CDH10: variants seen among roughly 807,000 people sequenced by gnomAD.
CDH10 encodes cadherin 10.
CDH10 carries 30 observed loss-of-function variants against 73.1 expected under a neutral mutation model. The observed-to-expected ratio is 0.41, with a 90% confidence interval of 0.31 to 0.56. The LOEUF (loss-of-function observed/expected upper bound fraction) is 0.56. CDH10 is among the 20% of genes least tolerant of loss of function. CDH10 has a pLI of 0.27. For synonymous variants in CDH10, 345 were observed against 348.2 expected (o/e 0.99, Z 0.10); for missense variants, 815 against 973.7 (o/e 0.84, Z 2.17).
chr5:24,556,773 T>TA (rs928033909), intron 2 of CDH10, among the ~76,000 whole-genome samples: 5 of 151,784 alleles, frequency 3.3e-5, no homozygotes, highest in Non-Finnish European at 5.9e-5. Flanking sequence ...ATAGCTGTAT[T>TA]AAAAAATCAG....
chr5:24,571,708 GA>G (rs35188983), intron 2 of CDH10, among the ~76,000 whole-genome samples: 5 of 151,608 alleles, frequency 3.3e-5, no homozygotes, highest in African/African-American at 4.8e-5. Flanking sequence ...ATAGTTCTAT[GA>G]AAAAAAATAA....
At chr5:24,488,223 T>C (rs1372075008) in intron 11 of CDH10, 70 bp from the exon 12 acceptor site, 6 of 1,266,470 alleles carry the variant, frequency 4.7e-6, no homozygotes, top group Non-Finnish European at 5.4e-6. Flanking sequence ...GGAAATACTA[T>C]AAAAGAGTTT....
At chr5:24,516,384 A>G (rs1007817197) in intron 5 of CDH10, among the ~76,000 whole-genome samples, 2 of 151,956 alleles carry the variant, frequency 1.3e-5, no homozygotes, top group African/African-American at 4.8e-5. Context: ...CAAATATCCC[A>G]TTTCTCCTAA....
At chr5:24,494,593 A>G (rs1423854956) in intron 9 of CDH10, among the ~76,000 whole-genome samples, 4 of 152,000 alleles carry the variant, frequency 2.6e-5, no homozygotes, top group Non-Finnish European at 4.4e-5. Flanking sequence ...CCAACTGTAT[A>G]TTTTCCCTTA....
At chr5:24,600,605 CGTGT>C (rs138388137) in intron 1 of CDH10, among the ~76,000 whole-genome samples, 6 of 149,890 alleles carry the variant, frequency 4.0e-5, no homozygotes, top group South Asian at 4.2e-4. Context: ...TGCGTGCGTG[CGTGT>C]GTGTGTGTGT....
At position 24,490,448 on chromosome 5, in the gene CDH10, G is replaced by A. The variant is rs73746535; in HGVS notation, c.1876+1128C>T. Reference sequence around the variant, plus strand: ...AATTATAAAATATATTTTTTAATACGCACGTTCTCATTTCCTGAACTACAT... The same window carrying A: ...AATTATAAAATATATTTTTTAATACACACGTTCTCATTTCCTGAACTACAT... On this transcript the variant is annotated intron_variant, in intron 11 of 11. Coordinates refer to ENST00000264463, the MANE Select transcript of CDH10 (RefSeq NM_006727.5). Among the ~76,000 whole-genome samples the A allele has an allele frequency of 9.7e-3, 1,478 of 151,814 alleles. 31 individuals carry two copies. Among genetic ancestry groups the A allele is most frequent in the African/African-American group, 0.034 (1,393 of 41,460 alleles).
rs563388881 is a variant in CDH10 at position 24,526,734 on chromosome 5, T to C, written c.814+8378A>G. 3.7e-3 allele frequency among the ~76,000 whole-genome samples: 563 copies of C among 152,062 alleles called. 2 individuals are homozygous for C. Among genetic ancestry groups the C allele is most frequent in the African/African-American group, 0.013 (545 of 41,552 alleles). Reference sequence around the variant, plus strand: ...TTGCTGTTCCTATCCAGCAATGTGCTTCATTGCTATCAAAATAATTGGTCA... The same window carrying C: ...TTGCTGTTCCTATCCAGCAATGTGCCTCATTGCTATCAAAATAATTGGTCA... On this transcript the variant is annotated intron_variant, in intron 5 of 11. Coordinates refer to ENST00000264463, the MANE Select transcript of CDH10 (RefSeq NM_006727.5).
intron 2 of CDH10, among the ~76,000 whole-genome samples, chr5:24,563,041 C>A (rs570192987): frequency 1.6e-4 from 24 of 152,194 alleles, no homozygotes; most frequent in African/African-American, 5.8e-4. Flanking sequence ...AATCCAATTA[C>A]CATATTCCAT....
intron 2 of CDH10, among the ~76,000 whole-genome samples, chr5:24,568,621 A>G (rs903527424): frequency 1.3e-5 from 2 of 152,164 alleles, no homozygotes; most frequent in African/African-American, 4.8e-5. Context: ...GAATTACCAC[A>G]TGATCCAGTA....
At chr5:24,520,477 T>C (rs1346240166) in intron 5 of CDH10, among the ~76,000 whole-genome samples, 1 of 152,140 alleles carries the variant, frequency 6.6e-6, no homozygotes, top group Non-Finnish European at 1.5e-5. Flanking sequence ...TATATACACA[T>C]AGTTACATAC....
chr5:24,492,899 G>A lies in CDH10; in HGVS notation c.1542C>T (p.Asp514=). 4 of 1,547,890 alleles carry A rather than the reference G, an allele frequency of 2.6e-6. No homozygotes were observed. ...TCTGTCCACCTAAAGGGTCATCTTT[G>A]TCTACTGCACTTATAGTCTGTATTA... The part of the protein sequence containing the change: ...GQLIQTISAV[D]KDDPLGGQKF... The change falls in exon 10 of 12, where the codon GAC becomes GAT. Residue 514 remains aspartate (D), a synonymous_variant. Coordinates refer to ENST00000264463, the MANE Select transcript of CDH10 (RefSeq NM_006727.5).
chr5:24,556,382 T>C (rs982730116), intron 2 of CDH10, among the ~76,000 whole-genome samples: 10 of 152,214 alleles, frequency 6.6e-5, no homozygotes, highest in Admixed American at 2.6e-4. Context: ...TCAAAATGAA[T>C]TGTAGTCTCT....
chr5:24,598,478 T>G (rs1323047467), intron 1 of CDH10, among the ~76,000 whole-genome samples: 1 of 151,794 alleles, frequency 6.6e-6, no homozygotes, highest in Non-Finnish European at 1.5e-5. Context: ...TTAAATTGGA[T>G]TGAATATTAT....
chr5:24,515,633 C>T (rs1743080723), intron 5 of CDH10, among the ~76,000 whole-genome samples: 1 of 152,170 alleles, frequency 6.6e-6, no homozygotes, highest in South Asian at 2.1e-4. Context: ...TAAAGTCATT[C>T]TTTTCTGGAG....
intron 2 of CDH10, among the ~76,000 whole-genome samples, chr5:24,564,079 G>T (rs1408634843): frequency 1.3e-5 from 2 of 152,126 alleles, no homozygotes; most frequent in Non-Finnish European, 2.9e-5. Flanking sequence ...TATCTCAAAA[G>T]ATCTCTGGTT....
At chr5:24,519,874 C>G (rs1743248922) in intron 5 of CDH10, among the ~76,000 whole-genome samples, 1 of 152,132 alleles carries the variant, frequency 6.6e-6, no homozygotes, top group Admixed American at 6.5e-5. Context: ...GGATACAAGT[C>G]TGATGAGGAC....
chr5:24,496,347 A>G (rs1742287847), intron 9 of CDH10, among the ~76,000 whole-genome samples: 1 of 152,312 alleles, frequency 6.6e-6, no homozygotes, highest in East Asian at 1.9e-4. Flanking sequence ...GAGACAAGAT[A>G]GAATGAAAAA....
rs139229932 is a variant in CDH10, at chr5:24,519,475, TTACAAA to T, written c.815-7967_815-7962del. Among the ~76,000 whole-genome samples the T allele has an allele frequency of 7.3e-3, 1,117 of 152,190 alleles. 8 individuals are homozygous for T. Among genetic ancestry groups the T allele is most frequent in the African/African-American group, 0.026 (1,066 of 41,542 alleles). On this transcript the variant is annotated intron_variant, in intron 5 of 11. Transcript: ENST00000264463. ...AAGAAGATAGTTTCAGCACACATAC[TTACAAA>T]TACAGTATGTTTAAAGATCCCTAAG...
intron 4 of CDH10, 128 bp downstream of exon 4, chr5:24,535,575 A>T: frequency 1.2e-6 from 1 of 823,250 alleles, no homozygotes; most frequent in Non-Finnish European, 1.9e-6. Flanking sequence ...TTATATCTTT[A>T]AGTGTTGTGT....
Sources: allele counts gnomAD v4.1 joint callset (sites outside exome capture counted in the v4.1 genomes callset), GRCh38; gene constraint gnomAD v4.1.1; transcripts MANE v1.5; gene names NCBI Gene and HGNC (gene_info 2026-07-23, HGNC 2026-07-21).